XKR6: variants seen among roughly 807,000 people sequenced by gnomAD.
XKR6 encodes the protein XK-related protein 6.
Under a neutral mutation model 56.7 loss-of-function variants are expected in XKR6, and 22 were observed. The ratio of observed to expected loss-of-function variants is 0.39; its 90% CI spans 0.28 to 0.55. The LOEUF (loss-of-function observed/expected upper bound fraction) is 0.55, where lower values mean the gene tolerates loss of function less well. XKR6 is among the 20% of genes least tolerant of loss of function. XKR6 has a pLI of 0.66. For synonymous variants in XKR6, 524 were observed against 387.8 expected (o/e 1.35, Z -4.13); for missense variants, 852 against 889.0 (o/e 0.96, Z 0.53).
At chr8:10,945,767 G>A (rs1453356275) in intron 1 of XKR6, among the ~76,000 whole-genome samples, 2 of 152,140 alleles carry the variant, frequency 1.3e-5, no homozygotes, top group Admixed American at 1.3e-4. Context: ...CAGGGCAAGG[G>A]TACGCATAGC....
chr8:11,014,542 G>C (rs1193321990), intron 1 of XKR6, among the ~76,000 whole-genome samples: 1 of 152,140 alleles, frequency 6.6e-6, no homozygotes, highest in Non-Finnish European at 1.5e-5. Flanking sequence ...GGAGGTGCAG[G>C]CAGGTTCCCC....
intron 1 of XKR6, among the ~76,000 whole-genome samples, chr8:11,147,158 G>A (rs749809251): frequency 6.6e-6 from 1 of 152,064 alleles, no homozygotes. Context: ...TAATGGATAT[G>A]TTTATGCTCT....
chr8:11,133,406 T>C (rs1014110576), intron 1 of XKR6, among the ~76,000 whole-genome samples: 4 of 152,088 alleles, frequency 2.6e-5, no homozygotes, highest in Non-Finnish European at 5.9e-5. Context: ...GGGCACAGCA[T>C]GTGAACAATA....
intron 1 of XKR6, chr8:11,137,087 T>C (rs747102455): frequency 6.5e-6 from 1 of 154,032 alleles, no homozygotes. Context: ...AAATAAAAGA[T>C]GAATACTTAT....
rs1469317608 is a variant in XKR6, at chr8:11,002,879, A to G, written c.765-78049T>C. On this transcript the variant is annotated intron_variant, in intron 1 of 2. Transcript: ENST00000416569. ...AGTCACCGGTGGAAATAATCTGGGT[A>G]TGGTTACAGAGCAAGGCACTTCTGA... Among the ~76,000 whole-genome samples the G allele has an allele frequency of 2.0e-5, 3 of 152,198 alleles. No homozygotes were observed. The South Asian group carries it at 6.2e-4, about 32-fold the overall frequency.
intron 1 of XKR6, among the ~76,000 whole-genome samples, chr8:11,029,735 C>T (rs946983560): frequency 2.0e-5 from 3 of 152,046 alleles, no homozygotes; most frequent in East Asian, 1.9e-4. Context: ...CATTTCCTCA[C>T]GTCAGTGCCA....
chr8:11,051,681 T>A (rs1247289901), intron 1 of XKR6, among the ~76,000 whole-genome samples: 1 of 152,078 alleles, frequency 6.6e-6, no homozygotes, highest in Non-Finnish European at 1.5e-5. Flanking sequence ...ACTAACTGAC[T>A]CCATTCACGA....
chr8:10,903,432 T>G (rs1800097474), intron 2 of XKR6, among the ~76,000 whole-genome samples: 1 of 152,112 alleles, frequency 6.6e-6, no homozygotes, highest in Non-Finnish European at 1.5e-5. Context: ...CCCGGAGAAC[T>G]TGGCAGGATT....
intron 1 of XKR6, among the ~76,000 whole-genome samples, chr8:11,065,884 T>C (rs1296728965): frequency 1.3e-5 from 2 of 152,206 alleles, no homozygotes; most frequent in Non-Finnish European, 2.9e-5. Context: ...CCCATAAACA[T>C]GGCAATGTGG....
intron 1 of XKR6, among the ~76,000 whole-genome samples, chr8:10,930,334 GA>G (rs1801018145): frequency 6.6e-6 from 1 of 152,168 alleles, no homozygotes; most frequent in South Asian, 2.1e-4. Flanking sequence ...GAGGCTTAGA[GA>G]ACCCTTCTTT....
intron 1 of XKR6, among the ~76,000 whole-genome samples, chr8:10,983,856 C>T (rs920973184): frequency 8.6e-5 from 13 of 151,970 alleles, no homozygotes; most frequent in Non-Finnish European, 1.0e-4. Flanking sequence ...GGGGTTTCAC[C>T]GTGTTAGCCA....
intron 2 of XKR6, among the ~76,000 whole-genome samples, chr8:10,916,228 C>A (rs1800560755): frequency 6.6e-6 from 1 of 152,208 alleles, no homozygotes. Context: ...GTTTTGGGAA[C>A]AAATTTTACT....
chr8:11,181,582 A>T (rs751827132), intron 1 of XKR6, among the ~76,000 whole-genome samples: 2 of 152,206 alleles, frequency 1.3e-5, no homozygotes, highest in Non-Finnish European at 2.9e-5. Flanking sequence ...ACACATAAGC[A>T]AGGTTTGTTT....
chr8:10,951,856 G>T (rs1801734928), intron 1 of XKR6, among the ~76,000 whole-genome samples: 1 of 152,154 alleles, frequency 6.6e-6, no homozygotes, highest in Non-Finnish European at 1.5e-5. Flanking sequence ...GAGGGGGCAG[G>T]GGTGGGAGCT....
At chr8:11,097,981 A>G (rs903182311) in intron 1 of XKR6, among the ~76,000 whole-genome samples, 6 of 152,022 alleles carry the variant, frequency 3.9e-5, no homozygotes, top group Admixed American at 1.3e-4. Flanking sequence ...CGTAATATCA[A>G]CTGGTGAGAC....
At chr8:11,173,804 G>A (rs1011663102) in intron 1 of XKR6, among the ~76,000 whole-genome samples, 1 of 152,156 alleles carries the variant, frequency 6.6e-6, no homozygotes, top group Non-Finnish European at 1.5e-5. Flanking sequence ...AAGAGAACCA[G>A]TGTGTGACTG....
chr8:11,097,683 T>A (rs1016968632), intron 1 of XKR6, among the ~76,000 whole-genome samples: 2 of 151,444 alleles, frequency 1.3e-5, no homozygotes, highest in Non-Finnish European at 2.9e-5. Flanking sequence ...GGTGCACACC[T>A]GTGGTCCCAG....
intron 1 of XKR6, among the ~76,000 whole-genome samples, chr8:10,935,528 T>C (rs1288759625): frequency 1.3e-4 from 18 of 140,358 alleles, no homozygotes; most frequent in African/African-American, 5.0e-4. Context: ...CTTTCTCTTG[T>C]GGGCATTTAG....
At chr8:10,986,212 G>T (rs1797861130) in intron 1 of XKR6, among the ~76,000 whole-genome samples, 2 of 152,212 alleles carry the variant, frequency 1.3e-5, no homozygotes. Context: ...TGGTGGCCCA[G>T]ATGATTCGAC....
Sources: allele counts gnomAD v4.1 joint callset (sites outside exome capture counted in the v4.1 genomes callset), GRCh38; gene constraint gnomAD v4.1.1; transcripts MANE v1.5; gene names NCBI Gene and HGNC (gene_info 2026-07-23, HGNC 2026-07-21).